SNX9: variants seen among roughly 807,000 people sequenced by gnomAD.
SNX9 encodes sorting nexin 9.
A neutral mutation model predicts 89.4 loss-of-function variants in SNX9; 44 were observed. The ratio of observed to expected loss-of-function variants is 0.49; its 90% CI spans 0.39 to 0.63. SNX9 has a LOEUF of 0.63. Ranked by LOEUF, SNX9 falls within the 30% of genes least tolerant of loss-of-function variation. The pLI is 0.00. For synonymous variants in SNX9, 236 were observed against 247.8 expected, an observed-to-expected ratio of 0.95 and a Z score of 0.45; for missense variants, 578 against 736.1, an observed-to-expected ratio of 0.79 and a Z score of 2.49.
chr6:157,903,708 C>G (rs1783153986), intron 6 of SNX9, among the ~76,000 whole-genome samples: 1 of 152,194 alleles, frequency 6.6e-6, no homozygotes, highest in Admixed American at 6.5e-5. Flanking sequence ...GTCTCTGACT[C>G]TGGTTTTTGG....
At chr6:157,878,343 T>G (rs1282077587) in intron 4 of SNX9, among the ~76,000 whole-genome samples, 2 of 152,248 alleles carry the variant, frequency 1.3e-5, no homozygotes. Flanking sequence ...ACAGTTTGAT[T>G]TGGAAAATTA....
Position 157,890,082 on chromosome 6 carries a change from A to G in SNX9, c.301-6745A>G, listed in dbSNP as rs116854762. 7.1e-3 allele frequency among the ~76,000 whole-genome samples: 1,077 copies of G among 152,346 alleles called. 6 individuals carry two copies. Among genetic ancestry groups the G allele is most frequent in the Middle Eastern group, 0.024 (7 of 294 alleles). On this transcript the variant is annotated intron_variant, in intron 4 of 17. Transcript: ENST00000392185. The stretch of plus-strand genomic sequence containing the variant: ...CTTTGAGCCTAAGTTCTTAACCACT[A>G]TCCCCATGTGGTATAATGATTACTT...
chr6:157,838,404 C>T (rs1330563706), intron 1 of SNX9, among the ~76,000 whole-genome samples: 1 of 151,876 alleles, frequency 6.6e-6, no homozygotes, highest in Non-Finnish European at 1.5e-5. Context: ...AGAGAATTTA[C>T]AGTCTAATGG....
intron 2 of SNX9, among the ~76,000 whole-genome samples, chr6:157,871,542 G>T (rs967777351): frequency 5.3e-5 from 8 of 152,060 alleles, no homozygotes; most frequent in Admixed American, 1.3e-4. Flanking sequence ...GTGGGAGGAG[G>T]GGGGAGGGAT....
chr6:157,903,152 A>G (rs971484686), intron 6 of SNX9, among the ~76,000 whole-genome samples: 5 of 152,238 alleles, frequency 3.3e-5, no homozygotes, highest in African/African-American at 1.2e-4. Flanking sequence ...TACTCCTTCC[A>G]GCAGTTATGT....
At chr6:157,856,446 TC>T (rs1180806677) in intron 1 of SNX9, among the ~76,000 whole-genome samples, 1 of 152,244 alleles carries the variant, frequency 6.6e-6, no homozygotes, top group African/African-American at 2.4e-5. Context: ...CATGTATACC[TC>T]TAAAGATGGG....
In SNX9 at chr6:157,909,539, A is replaced by C. The variant is rs1356553225; in HGVS notation, c.706-126A>C. ...CATTGAACCATTTATGTACCTTTCA[A>C]AGAGGAACAAGAATGACCCTCCAAA... On this transcript the variant is annotated intron_variant, in intron 7 of 17. Transcript: ENST00000392185. 2.7e-6 allele frequency: 3 copies of C among 1,113,150 alleles called. No homozygotes were observed. In the East Asian group the frequency reaches 7.2e-5, roughly 27 times the overall value. The allele number at this position is 1,113,150 out of a possible 1,614,324, so 69.0% of individuals were successfully genotyped here.
At position 157,836,129 on chromosome 6, in the gene SNX9, T is replaced by C. The variant is rs574373529; in HGVS notation, c.12+12683T>C. On this transcript the variant is annotated intron_variant, in intron 1 of 17. Coordinates refer to ENST00000392185, the MANE Select transcript of SNX9 (RefSeq NM_016224.5). The stretch of plus-strand genomic sequence containing the variant: ...AATTTTTTGTTTGTTTGTTTGTTTG[T>C]TTGTAGAGACAGGGTCTCTCTATGT... 2.0e-4 allele frequency among the ~76,000 whole-genome samples: 30 copies of C among 152,106 alleles called. 1 individual carries two copies. In the South Asian group the frequency reaches 6.0e-3, roughly 30 times the overall value.
chr6:157,853,420 G>A (rs1336892340), intron 1 of SNX9, among the ~76,000 whole-genome samples: 1 of 152,020 alleles, frequency 6.6e-6, no homozygotes, highest in Non-Finnish European at 1.5e-5. Context: ...GTGTCTTTGT[G>A]TGGTTTTCTT....
At chr6:157,936,159 G>A (rs1209440936) in intron 14 of SNX9, 119 bp downstream of exon 14, 2 of 693,138 alleles carry the variant, frequency 2.9e-6, no homozygotes, top group Non-Finnish European at 4.7e-6. Flanking sequence ...TTCTGTTTCT[G>A]TGTATCTTTT....
chr6:157,870,403 G>T (rs1403790202), intron 2 of SNX9, among the ~76,000 whole-genome samples: 1 of 144,540 alleles, frequency 6.9e-6, no homozygotes, highest in East Asian at 2.1e-4. Flanking sequence ...CTCAGACACT[G>T]TCACCTGCTC....
chr6:157,853,936 A>G (rs988009401), intron 1 of SNX9, among the ~76,000 whole-genome samples: 13 of 152,308 alleles, frequency 8.5e-5, no homozygotes, highest in African/African-American at 2.9e-4. Flanking sequence ...ACTTTAAGGA[A>G]TTGGTCCAAG....
chr6:157,935,118 A>T (rs1180074691), intron 13 of SNX9, among the ~76,000 whole-genome samples: 1 of 152,230 alleles, frequency 6.6e-6, no homozygotes, highest in Non-Finnish European at 1.5e-5. Context: ...ATTATTTTGA[A>T]AACTATAAAG....
At chr6:157,876,410 C>T (rs1030627187) in intron 4 of SNX9, among the ~76,000 whole-genome samples, 1 of 152,158 alleles carries the variant, frequency 6.6e-6, no homozygotes, top group Non-Finnish European at 1.5e-5. Flanking sequence ...GAGATCGTGC[C>T]ACTGTACTCC....
intron 17 of SNX9, 79 bp downstream of exon 17, chr6:157,941,053 A>C: frequency 8.0e-7 from 1 of 1,244,784 alleles, no homozygotes; most frequent in Non-Finnish European, 1.2e-6. Flanking sequence ...TGTAAAGTTA[A>C]TCTGTTTGTA....
intron 1 of SNX9, among the ~76,000 whole-genome samples, chr6:157,824,261 C>T (rs1306982845): frequency 1.3e-5 from 2 of 152,210 alleles, no homozygotes; most frequent in African/African-American, 4.8e-5. Flanking sequence ...GCCACCCTCC[C>T]CCGCTCCTTT....
chr6:157,840,309 G>A lies in SNX9; in HGVS notation c.12+16863G>A, dbSNP rs1035686059. Among the ~76,000 whole-genome samples the A allele has an allele frequency of 4.6e-5, 7 of 152,242 alleles. 1 individual carries two copies. The highest frequency in any genetic ancestry group is 9.6e-5 in the African/African-American group (4 of 41,468). ...AAGAGGGGCTGCTCCCCAGGCTGAG[G>A]AGGCCCAGGCGACCACGGGGGCTTT... On this transcript the variant is annotated intron_variant, in intron 1 of 17. Transcript: ENST00000392185.
chr6:157,935,901 T>G lies in SNX9; in HGVS notation c.1367-63T>G, dbSNP rs145635560. On this transcript the variant is annotated intron_variant, in intron 13 of 17. Transcript: ENST00000392185. The stretch of plus-strand genomic sequence containing the variant: ...TTTACCAATAAAATCAATAATAAAA[T>G]TTTAACAAGTGAAAAGAAAATATGC... The G allele has an allele frequency of 2.9e-4, 354 of 1,200,590 alleles. 2 individuals carry two copies. In the African/African-American group the frequency reaches 4.9e-3, roughly 17 times the overall value. The allele number at this position is 1,200,590 out of a possible 1,614,324, so 74.4% of individuals were successfully genotyped here.
chr6:157,925,087 G>A (rs1241514649), intron 10 of SNX9, among the ~76,000 whole-genome samples: 3 of 152,140 alleles, frequency 2.0e-5, no homozygotes, highest in East Asian at 3.9e-4. Context: ...CATGACAAGC[G>A]AAAAACAAGC....
Sources: gnomAD v4.1 joint callset for allele counts (sites outside exome capture counted in the v4.1 genomes callset) on GRCh38, gnomAD v4.1.1 for gene constraint, MANE v1.5 for transcripts, NCBI Gene and HGNC (gene_info 2026-07-23, HGNC 2026-07-21) for gene names.